UBE3A: variants seen among roughly 807,000 people sequenced by gnomAD.
UBE3A encodes ubiquitin protein ligase E3A.
In UBE3A, 6 loss-of-function variants were observed where a neutral mutation model predicts 83.4. The ratio of observed to expected loss-of-function variants is 0.07; its 90% confidence interval spans 0.04 to 0.14. UBE3A has a LOEUF of 0.14. UBE3A is among the 10% of genes least tolerant of loss of function. UBE3A has a pLI of 1.00. For missense variants in UBE3A, 456 were observed against 1,036.1 expected (o/e 0.44, Z 7.69); for synonymous variants, 337 against 355.4 (o/e 0.95, Z 0.58).
At chr15:25,391,225 T>C (rs902029803) in intron 4 of UBE3A, among the ~76,000 whole-genome samples, 9 of 152,184 alleles carry the variant, frequency 5.9e-5, no homozygotes, top group Non-Finnish European at 4.4e-5. Flanking sequence ...GACATTGCTA[T>C]GTGAAATAGG....
chr15:25,393,275 A>T, intron 4 of UBE3A, among the ~76,000 whole-genome samples: 1 of 152,326 alleles, frequency 6.6e-6, no homozygotes, highest in Non-Finnish European at 1.5e-5. Context: ...GGTAATGGGT[A>T]GGGTTTCTGG....
chr15:25,340,427 G>C (rs955267357), intron 11 of UBE3A, among the ~76,000 whole-genome samples, 199 bp from the exon 12 acceptor site: 3 of 152,056 alleles, frequency 2.0e-5, no homozygotes, highest in African/African-American at 7.2e-5. Context: ...ATTTAGATTA[G>C]ATTACAATAT....
At chr15:25,383,798 A>G (rs928090175) in intron 4 of UBE3A, among the ~76,000 whole-genome samples, 2 of 152,212 alleles carry the variant, frequency 1.3e-5, no homozygotes, top group Admixed American at 1.3e-4. Flanking sequence ...GAATGCACAC[A>G]TTCACCACTT....
intron 4 of UBE3A, among the ~76,000 whole-genome samples, chr15:25,385,491 G>C (rs889257908): frequency 6.6e-6 from 1 of 151,936 alleles, no homozygotes; most frequent in Non-Finnish European, 1.5e-5. Flanking sequence ...TGCACCACTG[G>C]TGAAAATGTA....
Position 25,339,083 on chromosome 15 carries a change from A to T in UBE3A, c.*54T>A, listed in dbSNP as rs1566817702. The T allele has an allele frequency of 8.8e-6, 13 of 1,476,252 alleles. No individual in the cohort carries two copies. The highest frequency in any genetic ancestry group is 5.5e-5 in the South Asian group (4 of 72,716). The allele number at this position is 1,476,252 out of a possible 1,614,324, so 91.4% of individuals were successfully genotyped here. ...TCGTTATATTTTTAAAATTTTTTAA[A>T]TTTTTTCTTTTTTTTTCCTTCCTTT... On this transcript the variant is annotated 3_prime_UTR_variant, in exon 13 of 13. Transcript: ENST00000648336.
At chr15:25,357,809 CAT>C (rs1488780696) in intron 7 of UBE3A, among the ~76,000 whole-genome samples, 8 of 151,528 alleles carry the variant, frequency 5.3e-5, no homozygotes, top group East Asian at 1.9e-4. Context: ...ATTCAATACA[CAT>C]GTTAATTATG....
intron 4 of UBE3A, among the ~76,000 whole-genome samples, chr15:25,382,484 TAGAA>T (rs1371825687): frequency 7.9e-5 from 12 of 151,882 alleles, no homozygotes; most frequent in Admixed American, 3.3e-4. Context: ...ATTTCACAGT[TAGAA>T]AGGAAGAAAA....
At position 25,402,604 on chromosome 15, in the gene UBE3A, T is replaced by C. The variant is rs553621804; in HGVS notation, c.62+2857A>G. On this transcript the variant is annotated intron_variant, in intron 4 of 12. Transcript: ENST00000648336. ...GGTATTGGCCTGAAGTTTGGGGCCA[T>C]GGGGGCCTGCCTAGCATTGAGTTTT... 3.3e-5 allele frequency among the ~76,000 whole-genome samples: 5 copies of C among 152,220 alleles called. No individual in the cohort carries two copies. The East Asian group carries it at 7.8e-4, about 24-fold the overall frequency.
Position 25,375,768 on chromosome 15 carries a change from A to C in UBE3A, c.63-5T>G, listed in dbSNP as rs587783144. The stretch of plus-strand genomic sequence containing the variant: ...TGCTTTGCAGCTGCTCGCTTCCTGT[A>C]CCAAACATTCAAACAATAAGCACAG... On this transcript the variant is annotated splice_region_variant and splice_polypyrimidine_tract_variant and intron_variant, in intron 4 of 12. Transcript: ENST00000648336. The C allele has an allele frequency of 6.2e-7, 1 of 1,607,724 alleles. No homozygotes were observed. The highest frequency in any genetic ancestry group is 1.7e-5 in the Admixed American group (1 of 59,992).
chr15:25,370,237 G>A lies in UBE3A; in HGVS notation c.1608+329C>T, dbSNP rs996314327. Among the ~76,000 whole-genome samples the A allele has an allele frequency of 6.6e-6, 1 of 152,048 alleles. No homozygotes were observed. Among genetic ancestry groups the A allele is most frequent in the East Asian group, 1.9e-4 (1 of 5,184 alleles). On this transcript the variant is annotated intron_variant, in intron 6 of 12. Transcript: ENST00000648336. The surrounding 1 kb of genome is among the most constrained non-coding windows in gnomAD (Gnocchi z 4.2). ...ACTGCACATCCACACTTATTATTGG[G>A]TATCTCCACATTTCTCTTGTTCTGG...
At chr15:25,341,099 T>C (rs1294017940) in intron 11 of UBE3A, among the ~76,000 whole-genome samples, 1 of 152,058 alleles carries the variant, frequency 6.6e-6, no homozygotes, top group Non-Finnish European at 1.5e-5. Flanking sequence ...AGACAGAGTC[T>C]TGCTCTGTCG....
intron 11 of UBE3A, among the ~76,000 whole-genome samples, chr15:25,352,626 G>GT (rs2076672002): frequency 6.6e-6 from 1 of 152,206 alleles, no homozygotes; most frequent in African/African-American, 2.4e-5. Context: ...AAAAAACTCA[G>GT]TATCTGCAAA....
At chr15:25,422,870 T>C (rs1210088157) in intron 1 of UBE3A, among the ~76,000 whole-genome samples, 1 of 149,332 alleles carries the variant, frequency 6.7e-6, no homozygotes, top group Non-Finnish European at 1.5e-5. Flanking sequence ...TAGTGGCACA[T>C]GTCTATAATC....
chr15:25,365,690 G>C (rs1276461885), intron 6 of UBE3A, among the ~76,000 whole-genome samples: 1 of 148,728 alleles, frequency 6.7e-6, no homozygotes, highest in African/African-American at 2.5e-5. Context: ...GGGGCTTGCA[G>C]TGAGCCAAGA....
intron 12 of UBE3A, 55 bp from the exon 13 acceptor site, chr15:25,339,312 C>CTT: frequency 1.3e-6 from 2 of 1,591,674 alleles, no homozygotes; most frequent in South Asian, 2.2e-5. Flanking sequence ...GGGAAATACA[C>CTT]TTAGAATTAA....
At chr15:25,354,209 T>C in intron 11 of UBE3A, 144 bp downstream of exon 11, 1 of 723,062 alleles carries the variant, frequency 1.4e-6, no homozygotes. Flanking sequence ...ATGGTGATTA[T>C]ATTACAAATA....
chr15:25,369,650 T>C (rs1027989302), intron 6 of UBE3A, among the ~76,000 whole-genome samples: 1 of 152,122 alleles, frequency 6.6e-6, no homozygotes, highest in Non-Finnish European at 1.5e-5. Flanking sequence ...GTAGCAGCAA[T>C]GACAGGGATA....
At chr15:25,356,177 A>T in intron 8 of UBE3A, 121 bp from the exon 9 acceptor site, 1 of 1,231,868 alleles carries the variant, frequency 8.1e-7, no homozygotes, top group Non-Finnish European at 1.2e-6. Flanking sequence ...AAAAGTGTAG[A>T]CAGTATCCCT....
At chr15:25,366,414 G>A (rs1021378738) in intron 6 of UBE3A, among the ~76,000 whole-genome samples, 5 of 152,190 alleles carry the variant, frequency 3.3e-5, no homozygotes, top group African/African-American at 1.2e-4. Context: ...AGCTGGGTTA[G>A]ACTAGGCTAT....
Sources: allele counts gnomAD v4.1 joint callset (sites outside exome capture counted in the v4.1 genomes callset), GRCh38; gene constraint gnomAD v4.1.1; non-coding constraint Gnocchi (gnomAD v3.1); transcripts MANE v1.5; gene names NCBI Gene and HGNC (gene_info 2026-07-23, HGNC 2026-07-21).